The following EXD3 variants were observed in gnomAD, a reference collection of about 807,000 sequenced individuals.
EXD3 encodes exonuclease 3'-5' domain containing 3.
In EXD3, 92 loss-of-function variants were observed where a neutral mutation model predicts 98.0. That is an observed-to-expected ratio of 0.94 (90% CI 0.79 to 1.12). EXD3 has a LOEUF of 1.12. Ranked by LOEUF, EXD3 falls within the 50% of genes most tolerant of loss-of-function variation. The pLI, the probability that EXD3 is intolerant of heterozygous loss-of-function variation, is 0.00. For synonymous variants in EXD3, 569 were observed against 526.0 expected (o/e 1.08, Z -1.12); for missense variants, 1,222 against 1,191.6 (o/e 1.03, Z -0.38).
At chr9:137,388,880 C>G (rs1322691590) in intron 2 of EXD3, among the ~76,000 whole-genome samples, 1 of 152,168 alleles carries the variant, frequency 6.6e-6, no homozygotes, top group Non-Finnish European at 1.5e-5. Flanking sequence ...CCTGCATGTC[C>G]ACGGGTCCAG....
chr9:137,316,379 G>A (rs1329757754), intron 19 of EXD3, among the ~76,000 whole-genome samples: 3 of 151,862 alleles, frequency 2.0e-5, no homozygotes, highest in Non-Finnish European at 4.4e-5. Flanking sequence ...AGGGGGCCGA[G>A]ACACCCTCCT....
chr9:137,353,194 CA>C, intron 10 of EXD3: 1 of 983,248 alleles, frequency 1.0e-6, no homozygotes, highest in Non-Finnish European at 1.2e-6. Context: ...AAGCCTCCAC[CA>C]GCCCTCCTGG....
intron 7 of EXD3, among the ~76,000 whole-genome samples, chr9:137,362,294 C>T (rs1835029080): frequency 6.6e-6 from 1 of 152,016 alleles, no homozygotes; most frequent in Non-Finnish European, 1.5e-5. Flanking sequence ...TAAAAGTTAC[C>T]CCAAAGGAAT....
intron 1 of EXD3, among the ~76,000 whole-genome samples, chr9:137,413,901 T>C (rs1354750555): frequency 6.6e-6 from 1 of 151,496 alleles, no homozygotes; most frequent in Non-Finnish European, 1.5e-5. Context: ...ACCACACAGG[T>C]TCTGTTGTTT....
rs993212133 is a variant in EXD3 at position 137,354,081 on chromosome 9, G to A, written c.870+258C>T. On this transcript the variant is annotated intron_variant, in intron 10 of 21. Coordinates refer to ENST00000340951, the MANE Select transcript of EXD3 (RefSeq NM_017820.5). ...ACAGGCAGCTCCGCTGGGTTGGTTC[G>A]GGTGGCACGGACGCTGCCGTCTGCC... 12 of 1,240,756 alleles carry A rather than the reference G, an allele frequency of 9.7e-6. No individual in the cohort carries two copies. The Admixed American group carries it at 1.2e-4, about 13-fold the overall frequency. 76.9% of individuals were successfully genotyped at this position (1,240,756 alleles called of 1,614,324 possible). A position where few individuals can be genotyped will look rare whatever the true frequency, so the allele number is the denominator to read the frequency against.
chr9:137,346,941 G>A (rs1208940733), intron 17 of EXD3, among the ~76,000 whole-genome samples: 1 of 152,006 alleles, frequency 6.6e-6, no homozygotes, highest in African/African-American at 2.4e-5. Context: ...TCAGCCTCCC[G>A]AGTAGCTGGG....
Position 137,356,347 on chromosome 9 carries a change from G to A in EXD3, c.678C>T (p.Ser226=), listed in dbSNP as rs2119261031. The A allele has an allele frequency of 1.9e-6, 3 of 1,603,316 alleles. No individual in the cohort carries two copies. Among genetic ancestry groups the A allele is most frequent in the East Asian group, 4.5e-5 (2 of 44,558 alleles). ...TCGGACTCAGCTTCTCCAGGCTCAA[G>A]GAGGTCACCTCAGGGTACCGTCTGT... The part of the protein sequence containing the change: ...DVARRYPEVT[S]LSLEKLSPKA... Residue 226 remains serine (S), a synonymous_variant, in exon 8 of 22, where the codon TCC becomes TCT. Coordinates refer to ENST00000340951, the MANE Select transcript of EXD3 (RefSeq NM_017820.5).
chr9:137,378,243 CTG>C (rs1491314523), intron 3 of EXD3, among the ~76,000 whole-genome samples: 3 of 152,090 alleles, frequency 2.0e-5, no homozygotes, highest in African/African-American at 4.8e-5. Flanking sequence ...GAGTCTCACT[CTG>C]TCGTCCAGGC....
chr9:137,351,377 GC>G lies in EXD3; in HGVS notation c.1324del (p.Ala442ProfsTer74). The G allele has an allele frequency of 6.2e-7, 1 of 1,611,468 alleles. No individual in the cohort carries two copies. The highest frequency in any genetic ancestry group is 2.2e-5 in the East Asian group (1 of 44,846). ...ALSQPPTGQGAQAFSRLVAQL... is the reference protein window; with the variant it reads ...ALSQPPTGQGXQAFSRLVAQL... ...GGCCACCAGCCGGGAAAAGGCCTGG[GC>G]TCCCTGCCCTGTTGGTGGCTGCGAG... On this transcript the variant is annotated frameshift_variant, in exon 13 of 22. Transcript: ENST00000340951. LOFTEE classifies it high-confidence loss of function.
intron 1 of EXD3, among the ~76,000 whole-genome samples, chr9:137,397,768 G>T (rs1383741830): frequency 6.6e-6 from 1 of 151,970 alleles, no homozygotes; most frequent in African/African-American, 2.4e-5. Context: ...AGGCAACATG[G>T]TCAAACTGTA....
At position 137,351,428 on chromosome 9, in the gene EXD3, ACGTGGC is replaced by A. The variant is rs764088188; in HGVS notation, c.1268_1273del (p.Gly423_His424del). ...GAGTGCCAGGACGTCCAGAAGGAAC[ACGTGGC>A]CCTCCACGGCCACCTGCAGGAGTGA... On this transcript the variant is annotated inframe_deletion, in exon 13 of 22. Transcript: ENST00000340951. The A allele has an allele frequency of 6.2e-7, 1 of 1,607,804 alleles. No individual in the cohort carries two copies. Among genetic ancestry groups the A allele is most frequent in the Non-Finnish European group, 8.5e-7 (1 of 1,178,138 alleles).
intron 19 of EXD3, among the ~76,000 whole-genome samples, chr9:137,320,838 C>T (rs770494228): frequency 1.3e-5 from 2 of 152,332 alleles, no homozygotes; most frequent in Admixed American, 6.5e-5. Flanking sequence ...ATGCAGCAGC[C>T]GATTCTGAAC....
At chr9:137,380,682 T>TC (rs1836214656) in intron 3 of EXD3, among the ~76,000 whole-genome samples, 1 of 45,406 alleles carries the variant, frequency 2.2e-5, no homozygotes, top group Non-Finnish European at 4.0e-5. Context: ...TCCCCCCCAA[T>TC]CCCCCCGCCG....
At chr9:137,344,982 T>G (rs573264664) in intron 17 of EXD3, among the ~76,000 whole-genome samples, 223 of 151,284 alleles carry the variant, frequency 1.5e-3, no homozygotes, top group Middle Eastern at 3.4e-3. Context: ...CAGCTGAATG[T>G]CCAGGTCTTC....
At chr9:137,307,770 C>T in intron 20 of EXD3, 124 bp from the exon 21 acceptor site, 1 of 1,070,222 alleles carries the variant, frequency 9.3e-7, no homozygotes, top group Non-Finnish European at 1.4e-6. Flanking sequence ...CCTCTTCACA[C>T]ACCCCCCAGC....
rs995452134 is a variant in EXD3 at position 137,393,655 on chromosome 9, G to A, written c.55+1648C>T. Among the ~76,000 whole-genome samples, 1 of 152,198 alleles carries A rather than the reference G, an allele frequency of 6.6e-6. No individual in the cohort carries two copies. Among genetic ancestry groups the A allele is most frequent in the African/African-American group, 2.4e-5 (1 of 41,446 alleles). On this transcript the variant is annotated intron_variant, in intron 2 of 21. Coordinates refer to ENST00000340951, the MANE Select transcript of EXD3 (RefSeq NM_017820.5). This position sits in a 1 kb window ranked among gnomAD's most constrained non-coding sequence, Gnocchi z 4.6. Reference sequence around the variant, plus strand: ...AAGCCCCTGGAGGGGTCCAAGGCCCGAGGAGGCAACTGCGTGGGATAGGGA... The same window carrying A: ...AAGCCCCTGGAGGGGTCCAAGGCCCAAGGAGGCAACTGCGTGGGATAGGGA...
At position 137,354,790 on chromosome 9, in the gene EXD3, G is replaced by C. The variant is rs777231164; in HGVS notation, c.758-17C>G. Reference sequence around the variant, plus strand: ...GACACAGCGCTGAAAGGAAAGGCCAGCTCAGCACTGAGGGCTCAGGGCAGC... The same window carrying C: ...GACACAGCGCTGAAAGGAAAGGCCACCTCAGCACTGAGGGCTCAGGGCAGC... On this transcript the variant is annotated splice_polypyrimidine_tract_variant and intron_variant, in intron 8 of 21. Coordinates refer to ENST00000340951, the MANE Select transcript of EXD3 (RefSeq NM_017820.5). The C allele has an allele frequency of 3.1e-6, 5 of 1,604,638 alleles. No individual in the cohort carries two copies. The highest frequency in any genetic ancestry group is 4.2e-6 in the Non-Finnish European group (5 of 1,177,266).
At chr9:137,355,678 TGGAGGAAGGAGAAAGGGAGGAA>T (rs1834714521) in intron 8 of EXD3, among the ~76,000 whole-genome samples, 9 of 10,918 alleles carry the variant, frequency 8.2e-4, no homozygotes, top group African/African-American at 3.4e-3. Flanking sequence ...AAAGGGAGGA[TGGAGGAAGGAGAAAGGGAGGAA>T]GGAGGAAGGA....
chr9:137,386,685 C>T (rs1458260334), intron 2 of EXD3, among the ~76,000 whole-genome samples: 1 of 152,174 alleles, frequency 6.6e-6, no homozygotes, highest in Non-Finnish European at 1.5e-5. Flanking sequence ...CTCCAACCTC[C>T]GTGTACCTGG....
Sources: gnomAD v4.1 joint callset for allele counts (sites outside exome capture counted in the v4.1 genomes callset) on GRCh38, gnomAD v4.1.1 for gene constraint, Gnocchi (gnomAD v3.1) non-coding constraint, MANE v1.5 for transcripts, NCBI Gene and HGNC (gene_info 2026-07-23, HGNC 2026-07-21) for gene names.